WDR20: variants seen among roughly 807,000 people sequenced by gnomAD.
The protein encoded by WDR20 is WD repeat domain 20.
In WDR20, 3 loss-of-function variants were observed where a neutral mutation model predicts 38.7. That is an observed-to-expected ratio of 0.08 (90% CI 0.04 to 0.20). The LOEUF is 0.20. WDR20 is among the 10% of genes least tolerant of loss of function. The pLI is 1.00. For synonymous variants in WDR20, 298 were observed against 285.6 expected, an observed-to-expected ratio of 1.04 and a Z score of -0.44; for missense variants, 559 against 727.7, an observed-to-expected ratio of 0.77 and a Z score of 2.67.
intron 1 of WDR20, among the ~76,000 whole-genome samples, chr14:102,150,062 G>A (rs539866206): frequency 6.6e-6 from 1 of 152,276 alleles, no homozygotes; most frequent in East Asian, 1.9e-4. Flanking sequence ...AAATCAGTTT[G>A]TGTTACAGCT....
chr14:102,200,822 C>G (rs963192093), intron 2 of WDR20, among the ~76,000 whole-genome samples: 2 of 152,198 alleles, frequency 1.3e-5, no homozygotes, highest in Non-Finnish European at 2.9e-5. Context: ...GGGTAGGTCC[C>G]ACGTCTCCTT....
In WDR20 at chr14:102,194,985, A is replaced by G; in HGVS notation, c.297A>G (p.Thr99=). ...KPIDKRIYKG[T]QPTCHDFNHL... is the part of the protein sequence containing the mutation. ...TAGATAAAAGGATATACAAAGGAAC[A>G]CAGCCTACTTGTCATGACTTCAACC... Residue 99 remains threonine, a synonymous_variant, in exon 2 of 3, where the codon ACA becomes ACG. Transcript: ENST00000342702. 1 of 1,614,246 alleles carries G rather than the reference A, an allele frequency of 6.2e-7. No individual in the cohort carries two copies. The highest frequency in any genetic ancestry group is 8.5e-7 in the Non-Finnish European group (1 of 1,180,042).
At chr14:102,206,044 G>A (rs1483622202) in intron 2 of WDR20, among the ~76,000 whole-genome samples, 7 of 152,094 alleles carry the variant, frequency 4.6e-5, no homozygotes, top group Admixed American at 2.0e-4. Flanking sequence ...ATGCAATGAC[G>A]TGATCTTGGC....
At chr14:102,177,324 C>T (rs572736879) in intron 1 of WDR20, among the ~76,000 whole-genome samples, 3 of 152,310 alleles carry the variant, frequency 2.0e-5, no homozygotes, top group Admixed American at 2.0e-4. Flanking sequence ...CTTACGTTTA[C>T]AGAAGCTGTG....
intron 1 of WDR20, among the ~76,000 whole-genome samples, chr14:102,158,342 G>A (rs1161733559): frequency 1.3e-5 from 2 of 152,196 alleles, no homozygotes; most frequent in South Asian, 4.2e-4. Context: ...TTGTTGCCCA[G>A]GCTGGAGTGC....
chr14:102,148,678 TG>T lies in WDR20; in HGVS notation c.249+8507del, dbSNP rs1555371230. 1.4e-4 allele frequency among the ~76,000 whole-genome samples: 3 copies of T among 21,070 alleles called. No homozygotes were observed. In the East Asian group the frequency reaches 0.052, roughly 363 times the overall value. 13.8% of individuals were successfully genotyped at this position (21,070 alleles called of 152,430 possible). A position where few individuals can be genotyped will look rare whatever the true frequency, so the allele number is the denominator to read the frequency against. On this transcript the variant is annotated intron_variant, in intron 1 of 2. Transcript: ENST00000342702. ...TTTAAAGAGTTTGGCTTTGTGTGTG[TG>T]TGTGTGTGTGTGTGTGTGTGTGTGT... is the stretch of plus-strand genomic sequence containing the variant.
At chr14:102,206,424 A>G (rs2061551012) in intron 2 of WDR20, among the ~76,000 whole-genome samples, 1 of 152,200 alleles carries the variant, frequency 6.6e-6, no homozygotes, top group South Asian at 2.1e-4. Context: ...TGATCATACT[A>G]GTTTTTGAGT....
At chr14:102,151,654 G>C (rs931174069) in intron 1 of WDR20, among the ~76,000 whole-genome samples, 8 of 151,974 alleles carry the variant, frequency 5.3e-5, no homozygotes, top group Admixed American at 2.0e-4. Context: ...CTCCCAAAAT[G>C]TTGGGATTAT....
rs1249364097 is a variant in WDR20, at chr14:102,220,453, G to A, written c.1693-2377G>A. ...AAAATATTAAAATTGGCCAGGTGCG[G>A]TGGCTCACGCCTGTAATCCCAGCAC... On this transcript the variant is annotated intron_variant, in intron 3 of 3. Coordinates refer to the WDR20 transcript ENST00000335263. This position sits in a 1 kb window ranked among gnomAD's most constrained non-coding sequence, Gnocchi z 4.2. Among the ~76,000 whole-genome samples the A allele has an allele frequency of 1.3e-5, 2 of 152,222 alleles. No individual in the cohort carries two copies. Among genetic ancestry groups the A allele is most frequent in the East Asian group, 1.9e-4 (1 of 5,200 alleles).
chr14:102,141,390 A>G (rs1318191786), intron 1 of WDR20, among the ~76,000 whole-genome samples: 2 of 152,190 alleles, frequency 1.3e-5, no homozygotes, highest in Admixed American at 1.3e-4. Flanking sequence ...TGTTTCTTTG[A>G]TTCAGGGTGA....
intron 2 of WDR20, among the ~76,000 whole-genome samples, chr14:102,196,413 A>G (rs564094322): frequency 9.9e-5 from 15 of 152,104 alleles, no homozygotes; most frequent in Non-Finnish European, 1.8e-4. Context: ...CTGGATGATT[A>G]TTTTTTTGGT....
intron 1 of WDR20, among the ~76,000 whole-genome samples, chr14:102,155,665 AATTTATTT>A (rs565437543): frequency 6.6e-6 from 1 of 152,238 alleles, no homozygotes; most frequent in Non-Finnish European, 1.5e-5. Flanking sequence ...CACTTTAAAA[AATTTATTT>A]ATTTATTTTA....
At chr14:102,177,080 T>C (rs990607878) in intron 1 of WDR20, among the ~76,000 whole-genome samples, 3 of 152,134 alleles carry the variant, frequency 2.0e-5, no homozygotes, top group Non-Finnish European at 4.4e-5. Flanking sequence ...TTGTAATGGT[T>C]CACTTTACTG....
At chr14:102,154,537 A>G (rs75580996) in intron 1 of WDR20, among the ~76,000 whole-genome samples, 13,016 of 152,206 alleles carry the variant, frequency 0.086, 968 homozygotes, top group African/African-American at 0.21. Context: ...GAGGGGACAC[A>G]AACATTCAGA....
Position 102,186,739 on chromosome 14 carries a change from C to T in WDR20, c.250-8199C>T, listed in dbSNP as rs1362447322. 2.0e-5 allele frequency among the ~76,000 whole-genome samples: 3 copies of T among 152,000 alleles called. No homozygotes were observed. The East Asian group carries it at 5.8e-4, about 29-fold the overall frequency. The stretch of plus-strand genomic sequence containing the variant: ...GGCCGAGGCAGGCGGATCACGAGGT[C>T]AGGAGATGGAGACCACCCTGGCTAA... On this transcript the variant is annotated intron_variant, in intron 1 of 2. Transcript: ENST00000342702.
At chr14:102,212,022 G>A (rs1236149302), downstream of WDR20, among the ~76,000 whole-genome samples, 1 of 152,128 alleles carries the variant, frequency 6.6e-6, no homozygotes, top group African/African-American at 2.4e-5. Flanking sequence ...CAGTCGCAGT[G>A]GCTGGGATGA....
chr14:102,173,770 C>T (rs1040060852), intron 1 of WDR20, among the ~76,000 whole-genome samples: 2 of 152,006 alleles, frequency 1.3e-5, no homozygotes, highest in African/African-American at 4.8e-5. Context: ...ACTAGCCGGG[C>T]GAGGTGATTC....
At chr14:102,179,985 T>G (rs1369231778) in intron 1 of WDR20, among the ~76,000 whole-genome samples, 1 of 152,126 alleles carries the variant, frequency 6.6e-6, no homozygotes, top group Non-Finnish European at 1.5e-5. Flanking sequence ...AAACCCTGTC[T>G]CTACTAAAAA....
At chr14:102,191,726 G>A (rs772921829) in intron 1 of WDR20, among the ~76,000 whole-genome samples, 1 of 152,156 alleles carries the variant, frequency 6.6e-6, no homozygotes, top group African/African-American at 2.4e-5. Flanking sequence ...TGCTGTTCCC[G>A]TTTGGTCAGT....
Sources: gnomAD v4.1 joint callset for allele counts (sites outside exome capture counted in the v4.1 genomes callset) on GRCh38, gnomAD v4.1.1 for gene constraint, Gnocchi (gnomAD v3.1) non-coding constraint, MANE v1.5 for transcripts, NCBI Gene and HGNC (gene_info 2026-07-23, HGNC 2026-07-21) for gene names.